Variants in EXOC4 observed in about 807,000 individuals in gnomAD.
EXOC4 encodes the protein exocyst complex component 4.
EXOC4 carries 71 observed loss-of-function variants against 107.2 expected under a neutral mutation model. The ratio of observed to expected loss-of-function variants is 0.66; its 90% CI spans 0.55 to 0.81. EXOC4 has a LOEUF of 0.81. Among genes scored for constraint, EXOC4 ranks in the 30% least tolerant of loss-of-function variants. The pLI, the probability that EXOC4 is intolerant of heterozygous loss-of-function variation, is 0.00. For synonymous variants in EXOC4, 456 were observed against 441.2 expected, an observed-to-expected ratio of 1.03 and a Z score of -0.42; for missense variants, 1,108 against 1,189.6, an observed-to-expected ratio of 0.93 and a Z score of 1.01.
intron 11 of EXOC4, among the ~76,000 whole-genome samples, chr7:133,854,208 A>G (rs947521311): frequency 2.0e-5 from 3 of 152,074 alleles, no homozygotes; most frequent in Admixed American, 6.6e-5. Context: ...CTCTGCAGAC[A>G]CGAGCTGTCC....
intron 17 of EXOC4, among the ~76,000 whole-genome samples, chr7:134,059,792 C>A (rs950206120): frequency 6.6e-6 from 1 of 152,170 alleles, no homozygotes; most frequent in African/African-American, 2.4e-5. Context: ...ATATGCCAAA[C>A]TGTGGTTTAT....
chr7:133,475,596 T>G (rs1214408648), intron 8 of EXOC4, 123 bp downstream of exon 8: 8 of 829,490 alleles, frequency 9.6e-6, no homozygotes, highest in Non-Finnish European at 1.5e-5. Flanking sequence ...TTAGAGGAAG[T>G]GAATATATGT....
chr7:133,735,899 C>T (rs912479393), intron 10 of EXOC4, among the ~76,000 whole-genome samples: 1 of 152,030 alleles, frequency 6.6e-6, no homozygotes, highest in African/African-American at 2.4e-5. Context: ...GCCTGGGCAA[C>T]AGGGCGAAAT....
At chr7:133,850,444 CT>C (rs1053028615) in intron 11 of EXOC4, among the ~76,000 whole-genome samples, 1 of 150,086 alleles carries the variant, frequency 6.7e-6, no homozygotes, top group Non-Finnish European at 1.5e-5. Flanking sequence ...TTTGTTTTTT[CT>C]TTTTTTTTAG....
rs1801487179 is a variant in EXOC4, at chr7:133,589,414, AC to A, written c.1418-40629del. On this transcript the variant is annotated intron_variant, in intron 9 of 17. Transcript: ENST00000253861. ...TTTTTGCTTTTACTGAACCCCTTCC[AC>A]CTCTTGGGAGGCATTGCTTTGTGCT... is the stretch of plus-strand genomic sequence containing the variant. 2.0e-5 allele frequency among the ~76,000 whole-genome samples: 3 copies of A among 152,044 alleles called. No homozygotes were observed. In the South Asian group the frequency reaches 6.2e-4, roughly 32 times the overall value.
intron 10 of EXOC4, among the ~76,000 whole-genome samples, chr7:133,676,590 G>T (rs1199366371): frequency 6.6e-6 from 1 of 152,096 alleles, no homozygotes. Flanking sequence ...GATCTAGCAT[G>T]TACAAAGTGG....
At chr7:133,431,013 A>G (rs967280421) in intron 7 of EXOC4, among the ~76,000 whole-genome samples, 7 of 152,342 alleles carry the variant, frequency 4.6e-5, no homozygotes, top group African/African-American at 1.4e-4. Context: ...TTACTGAATA[A>G]TGAATCTAAT....
chr7:133,355,239 C>G (rs1444661854), intron 5 of EXOC4, among the ~76,000 whole-genome samples: 1 of 151,274 alleles, frequency 6.6e-6, no homozygotes, highest in Non-Finnish European at 1.5e-5. Flanking sequence ...CAGGATATTG[C>G]AGATTTTTAA....
intron 12 of EXOC4, among the ~76,000 whole-genome samples, chr7:133,907,343 TTTC>T (rs1219703712): frequency 1.3e-5 from 2 of 150,848 alleles, no homozygotes; most frequent in Non-Finnish European, 2.9e-5. Flanking sequence ...AAATATATTA[TTTC>T]ATTAGTTATT....
intron 9 of EXOC4, among the ~76,000 whole-genome samples, chr7:133,502,656 A>G (rs1799596118): frequency 6.6e-6 from 1 of 152,120 alleles, no homozygotes; most frequent in South Asian, 2.1e-4. Flanking sequence ...TGGCCTTGTC[A>G]AGCTTAGGTG....
intron 10 of EXOC4, among the ~76,000 whole-genome samples, chr7:133,718,115 G>A (rs577108525): frequency 7.9e-5 from 12 of 152,286 alleles, no homozygotes; most frequent in East Asian, 5.8e-4. Flanking sequence ...CTCACCCAGC[G>A]TGGGTTAAGG....
chr7:133,842,855 C>T (rs372710928), intron 11 of EXOC4, among the ~76,000 whole-genome samples: 1 of 152,124 alleles, frequency 6.6e-6, no homozygotes, highest in Non-Finnish European at 1.5e-5. Context: ...ATCTAATGCA[C>T]ATGGCTAGCC....
chr7:133,755,370 A>C (rs1310986598), intron 10 of EXOC4, among the ~76,000 whole-genome samples: 8 of 128,730 alleles, frequency 6.2e-5, no homozygotes, highest in African/African-American at 2.4e-4. Context: ...GGGGGGACAG[A>C]GTCTCACCCT....
intron 13 of EXOC4, among the ~76,000 whole-genome samples, chr7:133,923,412 A>G (rs1453953623): frequency 6.6e-6 from 1 of 152,076 alleles, no homozygotes; most frequent in Non-Finnish European, 1.5e-5. Context: ...TAGTTGCCCC[A>G]TATCTCACCA....
intron 10 of EXOC4, among the ~76,000 whole-genome samples, chr7:133,771,810 AG>A (rs1345417394): frequency 3.3e-5 from 5 of 151,818 alleles, no homozygotes; most frequent in African/African-American, 1.2e-4. Context: ...TAGTTAGGGG[AG>A]GGTATGCAGC....
chr7:134,091,225 C>G, the EXOC4 span, among the ~76,000 whole-genome samples: 1 of 152,178 alleles, frequency 6.6e-6, no homozygotes, highest in Non-Finnish European at 1.5e-5. Flanking sequence ...ACTCCATAGA[C>G]AGAGCAGCCA....
intron 12 of EXOC4, among the ~76,000 whole-genome samples, chr7:133,903,158 G>A (rs1017541472): frequency 6.6e-6 from 1 of 152,212 alleles, no homozygotes; most frequent in Non-Finnish European, 1.5e-5. Context: ...AGCGAGAGGA[G>A]GAAGGGTATT....
chr7:133,550,261 C>T (rs1800559678), intron 9 of EXOC4, among the ~76,000 whole-genome samples: 1 of 152,142 alleles, frequency 6.6e-6, no homozygotes, highest in Non-Finnish European at 1.5e-5. Context: ...GAATCAAGCA[C>T]AATGCCAAGT....
chr7:133,745,512 C>T lies in EXOC4; in HGVS notation c.1515-71813C>T, dbSNP rs1448660950. On this transcript the variant is annotated intron_variant, in intron 10 of 17. Transcript: ENST00000253861. ...AAATAAATGTTAACCTATTTAATAA[C>T]AAAAACTTATTAAATTATGTCTGTA... is the stretch of plus-strand genomic sequence containing the variant. Among the ~76,000 whole-genome samples the T allele has an allele frequency of 6.0e-5, 9 of 151,138 alleles. No individual in the cohort carries two copies. In the East Asian group the frequency reaches 1.5e-3, roughly 26 times the overall value.
Sources: allele counts gnomAD v4.1 joint callset (sites outside exome capture counted in the v4.1 genomes callset), GRCh38; gene constraint gnomAD v4.1.1; transcripts MANE v1.5; gene names NCBI Gene and HGNC (gene_info 2026-07-23, HGNC 2026-07-21).